The following KCNC3 variants were observed in gnomAD, a reference collection of about 807,000 sequenced individuals.
KCNC3 encodes voltage-gated potassium channel KCNC3.
KCNC3 carries 22 observed loss-of-function variants against 43.9 expected under a neutral mutation model. The observed-to-expected ratio is 0.50, with a 90% confidence interval of 0.36 to 0.72. KCNC3 has a LOEUF of 0.72. Among genes scored for constraint, KCNC3 ranks in the 30% least tolerant of loss-of-function variants. The pLI is 0.00. For missense variants in KCNC3, 829 were observed against 1,073.8 expected (o/e 0.77, Z 3.19); for synonymous variants, 492 against 488.0 (o/e 1.01, Z -0.11).
At chr19:50,329,815 T>G (rs2037162839), upstream of KCNC3, 1 of 151,964 alleles carries the variant, frequency 6.6e-6, no homozygotes, top group African/African-American at 2.4e-5. Flanking sequence ...TGTTGAAACT[T>G]GAGAGAGTCC....
chr19:50,315,708 G>A lies in KCNC3; in HGVS notation c.*407C>T, dbSNP rs2036942417. 7.4e-6 allele frequency: 1 copy of A among 135,052 alleles called. No individual in the cohort carries two copies. Among genetic ancestry groups the A allele is most frequent in the African/African-American group, 2.7e-5 (1 of 37,250 alleles). The allele number at this position is 135,052 out of a possible 1,614,324, so 8.4% of individuals were successfully genotyped here. A position where few individuals can be genotyped will look rare whatever the true frequency, so the allele number is the denominator to read the frequency against. On this transcript the variant is annotated 3_prime_UTR_variant, in exon 5 of 5. Coordinates refer to ENST00000477616, the MANE Select transcript of KCNC3 (RefSeq NM_004977.3). ...TTCTAAGGACGGGGTCGGGGGTGGG[G>A]GGCGGTGAGGCGGAGGGCTGGGGAG...
At position 50,328,320 on chromosome 19, in the gene KCNC3, C is replaced by T. The variant is rs2037131916; in HGVS notation, c.763G>A (p.Gly255Arg). The T allele has an allele frequency of 8.8e-7, 1 of 1,131,510 alleles. No homozygotes were observed. The highest frequency in any genetic ancestry group is 1.1e-6 in the Non-Finnish European group (1 of 927,240). The allele number at this position is 1,131,510 out of a possible 1,614,324, so 70.1% of individuals were successfully genotyped here. ...CCGCCCGCGCCCCCTGGCGGCCCCC[C>T]GGCGCCGCCGCCCGCGTCCTGGAAG... ...LCFQDAGGGA[G>R]GPPGGAGGAG... The change falls in exon 1 of 5, where the codon GGG becomes AGG. Residue 255 changes from glycine to arginine, a missense_variant. By Grantham distance (125) the Gly-to-Arg change is moderately radical (BLOSUM62 -2). This residue lies in a region of KCNC3 where 60 missense variants were observed against 56.0 expected (regional missense o/e 1.07). Transcript: ENST00000477616.
chr19:50,315,645 G>GT lies in KCNC3; in HGVS notation c.*469_*470insA, dbSNP rs1300798325. 2 of 9,884 alleles carry GT rather than the reference G, an allele frequency of 2.0e-4. No individual in the cohort carries two copies. The highest frequency in any genetic ancestry group is 8.4e-4 in the Admixed American group (1 of 1,192). 0.6% of individuals were successfully genotyped at this position (9,884 alleles called of 1,614,324 possible). A position where few individuals can be genotyped will look rare whatever the true frequency, so the allele number is the denominator to read the frequency against. On this transcript the variant is annotated 3_prime_UTR_variant, in exon 5 of 5. Transcript: ENST00000477616. ...ATCCGATGAGAACTCCAGGAGCAGT[G>GT]GGGGGGGGTGGGGGGGGAGGGAGGC...
intron 4 of KCNC3, among the ~76,000 whole-genome samples, chr19:50,316,718 A>T (rs1239882116): frequency 6.6e-6 from 1 of 152,090 alleles, no homozygotes; most frequent in Non-Finnish European, 1.5e-5. Context: ...CCTGGGCGAC[A>T]GAGCGAGACC....
chr19:50,324,046 A>G lies in KCNC3; in HGVS notation c.907T>C (p.Ser303Pro). Reference sequence around the variant, plus strand: ...GTTTCCAGGCAGAAGGTGGTGATGGAGATGAGGATGAAGAAGAGGGAGGCG... The same window carrying G: ...GTTTCCAGGCAGAAGGTGGTGATGGGGATGAGGATGAAGAAGAGGGAGGCG... ...AFASLFFILI[S>P]ITTFCLETHE... Residue 303 changes from serine to proline, a missense_variant, in exon 2 of 5, where the codon TCC becomes CCC. Ser to Pro is a moderately conservative substitution (Grantham distance 74, BLOSUM62 -1). Around this residue, in one of 7 missense-constraint regions of KCNC3, gnomAD observed 157 missense variants for 293.5 expected, o/e 0.53. Coordinates refer to ENST00000477616, the MANE Select transcript of KCNC3 (RefSeq NM_004977.3). This position sits in a 1 kb window ranked among gnomAD's most constrained non-coding sequence, Gnocchi z 4.1. The G allele has an allele frequency of 6.2e-7, 1 of 1,604,832 alleles. No individual in the cohort carries two copies. Among genetic ancestry groups the G allele is most frequent in the Non-Finnish European group, 8.5e-7 (1 of 1,174,126 alleles).
rs771208581 is a variant in KCNC3, at chr19:50,323,283, T to C, written c.1670A>G (p.Lys557Arg). ...CCGGGGGATGTGTTTGTTCTTCTTCTTGGGCAGCTTCTGCTTGGCCATGGC... is the reference window on the plus strand; with the variant it reads ...CCGGGGGATGTGTTTGTTCTTCTTCCTGGGCAGCTTCTGCTTGGCCATGGC... ...SLAMAKQKLP[K>R]KKNKHIPRPP... The change falls in exon 2 of 5, where the codon AAG becomes AGG. Residue 557 changes from lysine (K) to arginine (R), a missense_variant. Lys to Arg is a conservative substitution (Grantham distance 26). Around this residue, in one of 7 missense-constraint regions of KCNC3, gnomAD observed 308 missense variants for 276.2 expected, o/e 1.11. Transcript: ENST00000477616. 1.2e-6 allele frequency: 2 copies of C among 1,609,454 alleles called. No individual in the cohort carries two copies. The highest frequency in any genetic ancestry group is 2.2e-5 in the South Asian group (2 of 91,082).
In KCNC3 at chr19:50,329,130, C is replaced by T. The variant is rs1287433349; in HGVS notation, c.-48G>A. ...GGGCGGGGACGCAGGGGCGGGGACA[C>T]GGGGGGAGAGACCGACGGGATTGGG... On this transcript the variant is annotated 5_prime_UTR_variant, in exon 1 of 5. In the 5' UTR this introduces an upstream ATG that the reference lacks. Coordinates refer to ENST00000477616, the MANE Select transcript of KCNC3 (RefSeq NM_004977.3). 4.6e-5 allele frequency: 2 copies of T among 43,852 alleles called. No homozygotes were observed. Among genetic ancestry groups the T allele is most frequent in the African/African-American group, 1.1e-4 (1 of 8,798 alleles). 2.7% of individuals were successfully genotyped at this position (43,852 alleles called of 1,614,324 possible).
At position 50,320,580 on chromosome 19, in the gene KCNC3, G is replaced by T. The variant is rs746109913; in HGVS notation, c.2170+13C>A. On this transcript the variant is annotated intron_variant, in intron 3 of 4. Transcript: ENST00000477616. ...GGGAGGGTCCCAGGGGATCAGTAGG[G>T]GGGGCACCTCACCTTTTCGGATGGA... is the stretch of plus-strand genomic sequence containing the variant. The T allele has an allele frequency of 1.2e-6, 2 of 1,608,798 alleles. No homozygotes were observed. Among genetic ancestry groups the T allele is most frequent in the Non-Finnish European group, 1.7e-6 (2 of 1,178,220 alleles).
In KCNC3 at chr19:50,312,607, T is replaced by C. The variant is rs2036895014; in HGVS notation, c.*3508A>G. 1 of 152,070 alleles carries C rather than the reference T, an allele frequency of 6.6e-6. No homozygotes were observed. The highest frequency in any genetic ancestry group is 2.1e-4 in the South Asian group (1 of 4,822). 9.4% of individuals were successfully genotyped at this position (152,070 alleles called of 1,614,324 possible). On this transcript the variant is annotated 3_prime_UTR_variant, in exon 5 of 5. Transcript: ENST00000477616. ...GGGGTGGGAGGGGAGGAGAATCACG[T>C]TTTGTAGAAGTTTATCATGATTGTG...
Position 50,324,588 on chromosome 19 carries a change from C to A in KCNC3, c.871-506G>T, listed in dbSNP as rs113602424. On this transcript the variant is annotated intron_variant, in intron 1 of 4. Transcript: ENST00000477616. The surrounding 1 kb of genome is among the most constrained non-coding windows in gnomAD (Gnocchi z 4.1). Reference sequence around the variant, plus strand: ...GAATCGTGAGGTGGTTAAGAGTCGGCGAGCCTGGGCATGAATCTGGCTTTT... The same window carrying A: ...GAATCGTGAGGTGGTTAAGAGTCGGAGAGCCTGGGCATGAATCTGGCTTTT... 3.0e-3 allele frequency among the ~76,000 whole-genome samples: 462 copies of A among 152,264 alleles called. 3 individuals carry two copies. The highest frequency in any genetic ancestry group is 0.01 in the African/African-American group (434 of 41,554).
chr19:50,319,170 A>G (rs2036995259), intron 4 of KCNC3, among the ~76,000 whole-genome samples: 1 of 151,970 alleles, frequency 6.6e-6, no homozygotes, highest in Non-Finnish European at 1.5e-5. Flanking sequence ...CGTCTACTAA[A>G]TAGCACCACT....
chr19:50,320,548 A>C, intron 3 of KCNC3, 45 bp downstream of exon 3: 4 of 1,533,096 alleles, frequency 2.6e-6, no homozygotes, highest in South Asian at 1.1e-5. Context: ...TGGGCAGGGG[A>C]GAGAGAGGGA....
At chr19:50,317,300 G>C (rs1440201994) in intron 4 of KCNC3, among the ~76,000 whole-genome samples, 1 of 152,092 alleles carries the variant, frequency 6.6e-6, no homozygotes, top group Non-Finnish European at 1.5e-5. Context: ...TGGGGTCTCG[G>C]CCCTTGTGCT....
intron 4 of KCNC3, among the ~76,000 whole-genome samples, chr19:50,317,196 G>T (rs1057412089): frequency 6.6e-6 from 1 of 150,466 alleles, no homozygotes; most frequent in Non-Finnish European, 1.5e-5. Context: ...AGCTGGAAAT[G>T]GACAATGACG....
chr19:50,323,119 C>T lies in KCNC3; in HGVS notation c.1834G>A (p.Ala612Thr), dbSNP rs1421661730. Residue 612 changes from alanine to threonine, a missense_variant, in exon 2 of 5, where the codon GCC becomes ACC. Around this residue, in one of 7 missense-constraint regions of KCNC3, gnomAD observed 308 missense variants for 276.2 expected, o/e 1.11. Transcript: ENST00000477616. ...TGCGTGTGGGGCCCCGCTGGGTAGG[C>T]CCCGGCCACAGTCACCCCCATGGAG... ...PPSMGVTVAG[A>T]YPAGPHTHPG... 6.5e-7 allele frequency: 1 copy of T among 1,536,844 alleles called. No homozygotes were observed.
At chr19:50,320,965 CA>C (rs914273141) in intron 2 of KCNC3, among the ~76,000 whole-genome samples, 181 bp from the exon 3 acceptor site, 3 of 115,698 alleles carry the variant, frequency 2.6e-5, no homozygotes, top group African/African-American at 1.0e-4. Context: ...GCAGGGGGCA[CA>C]GCTGGGAGAG....
chr19:50,330,071 A>T (rs2037168647), upstream of KCNC3, among the ~76,000 whole-genome samples: 1 of 152,196 alleles, frequency 6.6e-6, no homozygotes, highest in Non-Finnish European at 1.5e-5. Context: ...GTTCGAGACC[A>T]GCCCGGCCAA....
rs2036911891 is a variant in KCNC3 at position 50,313,974 on chromosome 19, A to AT, written c.*2140dup. On this transcript the variant is annotated 3_prime_UTR_variant, in exon 5 of 5. Transcript: ENST00000477616. ...GTGGCGTGCCAGGGTCAGTCTCAGA[A>AT]TTCTGGGTGCAGGTCTCATGTCCTG... The AT allele has an allele frequency of 6.6e-6, 1 of 152,002 alleles. No individual in the cohort carries two copies. Among genetic ancestry groups the AT allele is most frequent in the South Asian group, 2.1e-4 (1 of 4,816 alleles). The allele number at this position is 152,002 out of a possible 1,614,324, so 9.4% of individuals were successfully genotyped here.
rs559378389 is a variant in KCNC3 at position 50,318,359 on chromosome 19, G to C, written c.*23+1864C>G. On this transcript the variant is annotated intron_variant, in intron 4 of 4. Coordinates refer to ENST00000477616, the MANE Select transcript of KCNC3 (RefSeq NM_004977.3). ...ATGGCTAATTTTTGTATTTTTAGTA[G>C]AGATGGGGTTTCACCATGTTGGCCA... 4.6e-5 allele frequency among the ~76,000 whole-genome samples: 7 copies of C among 151,482 alleles called. 2 individuals are homozygous for C. Among genetic ancestry groups the C allele is most frequent in the African/African-American group, 1.7e-4 (7 of 41,248 alleles).
Sources: gnomAD v4.1 joint callset for allele counts (sites outside exome capture counted in the v4.1 genomes callset) on GRCh38, gnomAD v4.1.1 for gene constraint, gnomAD v4.1.1 regional missense constraint, Gnocchi (gnomAD v3.1) non-coding constraint, MANE v1.5 for transcripts, NCBI Gene and HGNC (gene_info 2026-07-23, HGNC 2026-07-21) for gene names.